COL5A2: variants seen among roughly 807,000 people sequenced by gnomAD.
The protein encoded by COL5A2 is collagen type V alpha 2 chain, also known as collagen alpha-2(V) chain.
A neutral mutation model predicts 208.2 loss-of-function variants in COL5A2; 23 were observed. That is an observed-to-expected ratio of 0.11 (90% CI 0.08 to 0.16). COL5A2 has a LOEUF of 0.16. Ranked by LOEUF, COL5A2 falls within the 10% of genes least tolerant of loss-of-function variation. COL5A2 has a pLI of 1.00. For missense variants in COL5A2, 1,590 were observed against 1,956.4 expected (o/e 0.81, Z 3.53); for synonymous variants, 625 against 628.5 (o/e 0.99, Z 0.08).
the COL5A2 span, among the ~76,000 whole-genome samples, chr2:189,267,829 C>G: frequency 6.6e-6 from 1 of 152,086 alleles, no homozygotes; most frequent in Non-Finnish European, 1.5e-5. Context: ...GAAAATAAAT[C>G]AAGTAGGCCA....
intron 12 of COL5A2, among the ~76,000 whole-genome samples, chr2:189,083,625 A>G (rs550302781): frequency 6.6e-5 from 10 of 152,286 alleles, no homozygotes; most frequent in African/African-American, 2.4e-4. Context: ...GAGCTAAAAT[A>G]GGATTGAAGT....
intron 1 of COL5A2, among the ~76,000 whole-genome samples, chr2:189,160,414 C>A (rs868438945): frequency 6.6e-6 from 1 of 152,060 alleles, no homozygotes; most frequent in African/African-American, 2.4e-5. Context: ...ATCTTTATCC[C>A]CCCTTTTTTT....
intron 35 of COL5A2, among the ~76,000 whole-genome samples, chr2:189,055,235 C>T (rs1173038559): frequency 6.6e-6 from 1 of 152,146 alleles, no homozygotes; most frequent in Non-Finnish European, 1.5e-5. Flanking sequence ...AGTTTACAGC[C>T]TAAAACCCCA....
At chr2:189,335,634 C>T in the COL5A2 span, among the ~76,000 whole-genome samples, 26 of 152,116 alleles carry the variant, frequency 1.7e-4, no homozygotes, top group South Asian at 4.2e-4. Context: ...ATAAATCATG[C>T]TAAATGAAAT....
At chr2:189,083,106 A>T (rs989941221) in intron 12 of COL5A2, among the ~76,000 whole-genome samples, 1 of 152,216 alleles carries the variant, frequency 6.6e-6, no homozygotes, top group Non-Finnish European at 1.5e-5. Context: ...CAGAAACATA[A>T]GGAAATTATA....
the COL5A2 span, among the ~76,000 whole-genome samples, chr2:189,331,701 A>T: frequency 6.6e-6 from 1 of 152,174 alleles, no homozygotes; most frequent in Non-Finnish European, 1.5e-5. Context: ...CTTTATCAGC[A>T]GCATAAAAAC....
At chr2:189,322,739 A>T in the COL5A2 span, among the ~76,000 whole-genome samples, 3 of 152,224 alleles carry the variant, frequency 2.0e-5, no homozygotes, top group African/African-American at 7.2e-5. Flanking sequence ...GCCGAATTCT[A>T]CCAGAGGTAC....
chr2:189,299,550 T>C, the COL5A2 span, among the ~76,000 whole-genome samples: 1 of 152,206 alleles, frequency 6.6e-6, no homozygotes, highest in Non-Finnish European at 1.5e-5. Flanking sequence ...TCCCTAATGG[T>C]ACAATATAGT....
the COL5A2 span, among the ~76,000 whole-genome samples, chr2:189,279,454 T>C: frequency 2.0e-5 from 3 of 150,470 alleles, no homozygotes; most frequent in East Asian, 1.9e-4. Flanking sequence ...AAAAGTTGCA[T>C]AGATAGTTAT....
At chr2:189,110,535 A>T in intron 1 of COL5A2, 86 bp from the exon 2 acceptor site, 11 of 1,277,992 alleles carry the variant, frequency 8.6e-6, no homozygotes, top group Middle Eastern at 2.2e-4. Flanking sequence ...TGGATTCTAA[A>T]AAATTCTGGA....
the COL5A2 span, among the ~76,000 whole-genome samples, chr2:189,363,156 T>A: frequency 6.6e-6 from 1 of 152,136 alleles, no homozygotes; most frequent in Admixed American, 6.6e-5. Context: ...ATTAACTTTT[T>A]AAAAAAATTT....
At chr2:189,276,144 T>C in the COL5A2 span, among the ~76,000 whole-genome samples, 1 of 152,178 alleles carries the variant, frequency 6.6e-6, no homozygotes, top group Admixed American at 6.5e-5. Flanking sequence ...ACATATTTCT[T>C]CCTATCAGTT....
intron 8 of COL5A2, among the ~76,000 whole-genome samples, 175 bp from the exon 9 acceptor site, chr2:189,086,945 TTGGACAA>T (rs1272492231): frequency 6.6e-6 from 1 of 152,210 alleles, no homozygotes; most frequent in Non-Finnish European, 1.5e-5. Context: ...AGATTAAAGC[TTGGACAA>T]CATTTGGGAT....
chr2:189,231,490 A>C, the COL5A2 span, among the ~76,000 whole-genome samples: 1 of 151,608 alleles, frequency 6.6e-6, no homozygotes, highest in African/African-American at 2.4e-5. Flanking sequence ...TTCTCTAAAA[A>C]TGTTTTACAC....
chr2:189,265,011 C>G, the COL5A2 span, among the ~76,000 whole-genome samples: 1 of 152,082 alleles, frequency 6.6e-6, no homozygotes, highest in Non-Finnish European at 1.5e-5. Flanking sequence ...GGTGAGGGAG[C>G]AGGCAGAGAG....
the COL5A2 span, among the ~76,000 whole-genome samples, chr2:189,318,760 G>T: frequency 2.0e-5 from 3 of 152,106 alleles, no homozygotes; most frequent in African/African-American, 7.2e-5. Context: ...CTCAGATCTG[G>T]GGGAGGAAAT....
chr2:189,402,476 C>G, the COL5A2 span, among the ~76,000 whole-genome samples: 7 of 152,346 alleles, frequency 4.6e-5, no homozygotes, highest in South Asian at 1.4e-3. Context: ...GCCTCAGCCC[C>G]CAAAGGGGCC....
chr2:189,235,343 A>G, the COL5A2 span, among the ~76,000 whole-genome samples: 1 of 151,944 alleles, frequency 6.6e-6, no homozygotes, highest in East Asian at 1.9e-4. Context: ...AATATATGCA[A>G]GAGTCTTCAT....
chr2:189,169,587 A>G lies in COL5A2; in HGVS notation c.97+9921T>C, dbSNP rs183185004. Among the ~76,000 whole-genome samples, 9 of 152,328 alleles carry G rather than the reference A, an allele frequency of 5.9e-5. No homozygotes were observed. In the East Asian group the frequency reaches 1.7e-3, roughly 29 times the overall value. On this transcript the variant is annotated intron_variant, in intron 1 of 53. Coordinates refer to ENST00000374866, the MANE Select transcript of COL5A2 (RefSeq NM_000393.5). ...TAGTAGAATAAAATATAAAAATTGC[A>G]TTTTAAAATTTTTATGCTAGGCTTA...
Sources: allele counts gnomAD v4.1 joint callset (sites outside exome capture counted in the v4.1 genomes callset), GRCh38; gene constraint gnomAD v4.1.1; transcripts MANE v1.5; gene names NCBI Gene and HGNC (gene_info 2026-07-23, HGNC 2026-07-21).